CMSS1: variants seen among roughly 807,000 people sequenced by gnomAD.
CMSS1 encodes the protein protein CMSS1.
In CMSS1, 33 loss-of-function variants were observed where a neutral mutation model predicts 43.5. The ratio of observed to expected loss-of-function variants is 0.76; its 90% CI spans 0.57 to 1.01. CMSS1 has a LOEUF of 1.01. Among genes scored for constraint, CMSS1 ranks in the 50% least tolerant of loss-of-function variants. CMSS1 has a pLI of 0.00. For missense variants in CMSS1, 313 were observed against 326.4 expected, an observed-to-expected ratio of 0.96 and a Z score of 0.32; for synonymous variants, 115 against 117.2, an observed-to-expected ratio of 0.98 and a Z score of 0.12.
At chr3:99,848,250 T>G in intron 1 of CMSS1, 1 of 1,603,322 alleles carries the variant, frequency 6.2e-7, no homozygotes, top group Non-Finnish European at 8.5e-7. Context: ...AATATCAGTA[T>G]GGACTGGATG....
At chr3:99,833,048 C>T in intron 1 of CMSS1, 1 of 610,754 alleles carries the variant, frequency 1.6e-6, no homozygotes, top group South Asian at 2.1e-5. Context: ...CTTTTAAGAC[C>T]ACACAGTGAA....
chr3:100,103,546 G>A (rs192489), intron 1 of CMSS1, among the ~76,000 whole-genome samples: 2 of 152,178 alleles, frequency 1.3e-5, no homozygotes, highest in South Asian at 4.1e-4. Context: ...AGGCAAGTTG[G>A]AAGCACGGAT....
intron 1 of CMSS1, among the ~76,000 whole-genome samples, chr3:99,875,038 A>G (rs561606034): frequency 1.8e-4 from 28 of 152,230 alleles, no homozygotes; most frequent in Non-Finnish European, 2.9e-4. Flanking sequence ...AAAAGGGACA[A>G]TTCTGTCACA....
chr3:99,852,004 C>T (rs528432213), intron 1 of CMSS1, among the ~76,000 whole-genome samples: 4 of 152,320 alleles, frequency 2.6e-5, no homozygotes, highest in African/African-American at 9.6e-5. Flanking sequence ...TTATCAGGAA[C>T]ATAATAATTC....
chr3:100,100,788 C>T (rs1464142460), intron 1 of CMSS1, among the ~76,000 whole-genome samples: 2 of 152,166 alleles, frequency 1.3e-5, no homozygotes, highest in Non-Finnish European at 2.9e-5. Context: ...AGGTTAGTAT[C>T]GCCTTGCTGC....
At chr3:100,145,769 A>G (rs945205705) in intron 1 of CMSS1, among the ~76,000 whole-genome samples, 2 of 152,254 alleles carry the variant, frequency 1.3e-5, no homozygotes, top group Admixed American at 1.3e-4. Context: ...ACTCAAGGAT[A>G]GGTCAGTGCT....
At chr3:100,062,773 G>T (rs1171746131) in intron 1 of CMSS1, among the ~76,000 whole-genome samples, 4 of 152,146 alleles carry the variant, frequency 2.6e-5, no homozygotes, top group African/African-American at 9.7e-5. Flanking sequence ...CTTTGTCCTG[G>T]TTCCTCAGCA....
chr3:100,064,718 T>C (rs886603836), intron 1 of CMSS1, among the ~76,000 whole-genome samples: 45 of 152,228 alleles, frequency 3.0e-4, no homozygotes, highest in Admixed American at 1.3e-4. Flanking sequence ...TAAGGGCATG[T>C]TGGCAAATCA....
chr3:99,999,591 G>C (rs1436027627), intron 1 of CMSS1, among the ~76,000 whole-genome samples: 1 of 152,232 alleles, frequency 6.6e-6, no homozygotes, highest in Admixed American at 6.5e-5. Flanking sequence ...GGTTCAGTGA[G>C]TCTTGAATCT....
chr3:100,168,178 A>G (rs1188094082), intron 6 of CMSS1, among the ~76,000 whole-genome samples: 2 of 152,258 alleles, frequency 1.3e-5, no homozygotes, highest in African/African-American at 2.4e-5. Context: ...CCCAGCAGCT[A>G]TCTGGAAGAA....
At chr3:99,987,159 G>A (rs2107116904) in intron 1 of CMSS1, among the ~76,000 whole-genome samples, 1 of 151,914 alleles carries the variant, frequency 6.6e-6, no homozygotes, top group Admixed American at 6.6e-5. Context: ...AAGCCCAGGA[G>A]GTTGAGGCTT....
intron 9 of CMSS1, among the ~76,000 whole-genome samples, chr3:100,177,322 CT>C (rs1388848227): frequency 3.3e-5 from 5 of 150,976 alleles, no homozygotes; most frequent in Admixed American, 6.5e-5. Flanking sequence ...ATTTTGTCCC[CT>C]GACTTGACTG....
At position 99,965,946 on chromosome 3, in the gene CMSS1, C is replaced by T. The variant is rs1209626864; in HGVS notation, c.64+147903C>T. 2.6e-5 allele frequency among the ~76,000 whole-genome samples: 4 copies of T among 152,252 alleles called. No homozygotes were observed. The South Asian group carries it at 6.2e-4, about 24-fold the overall frequency. On this transcript the variant is annotated intron_variant, in intron 1 of 9. Transcript: ENST00000421999. ...TCTCCTGTCCCGCCTGCCACCAGTT[C>T]TCCACTCTCTCCCCATATGTAAGCC...
At chr3:99,968,633 G>A (rs1029709364) in intron 1 of CMSS1, among the ~76,000 whole-genome samples, 5 of 152,130 alleles carry the variant, frequency 3.3e-5, no homozygotes, top group Non-Finnish European at 7.3e-5. Flanking sequence ...TACCATGGGT[G>A]AAGCCTTGAG....
At chr3:100,126,746 C>G (rs907588069) in intron 1 of CMSS1, among the ~76,000 whole-genome samples, 4 of 152,134 alleles carry the variant, frequency 2.6e-5, no homozygotes, top group Non-Finnish European at 5.9e-5. Context: ...TGCCTGTAAT[C>G]CCAGCACTTT....
intron 1 of CMSS1, among the ~76,000 whole-genome samples, chr3:100,124,869 CGTTCACATGTCAGGTACT>C (rs2066651010): frequency 6.8e-6 from 1 of 147,998 alleles, no homozygotes; most frequent in African/African-American, 2.5e-5. Context: ...GATGTATATG[CGTTCACATGTCAGGTACT>C]AACTCTCAGA....
At chr3:99,950,668 G>A (rs1014558245) in intron 1 of CMSS1, among the ~76,000 whole-genome samples, 9 of 152,162 alleles carry the variant, frequency 5.9e-5, no homozygotes, top group Admixed American at 1.3e-4. Flanking sequence ...TCCCCAGACA[G>A]AAAGAGGAAT....
chr3:99,940,387 G>T (rs1438728507), intron 1 of CMSS1, among the ~76,000 whole-genome samples: 2 of 152,164 alleles, frequency 1.3e-5, no homozygotes, highest in Non-Finnish European at 2.9e-5. Context: ...TCATGCTCTG[G>T]TTTTTCTTAG....
intron 2 of CMSS1, among the ~76,000 whole-genome samples, chr3:100,160,111 T>C (rs2067010003): frequency 6.6e-6 from 1 of 152,190 alleles, no homozygotes; most frequent in African/African-American, 2.4e-5. Context: ...TGCTGTATTA[T>C]ACAAACTCAG....
Sources: gnomAD v4.1 joint callset for allele counts (sites outside exome capture counted in the v4.1 genomes callset) on GRCh38, gnomAD v4.1.1 for gene constraint, MANE v1.5 for transcripts, NCBI Gene and HGNC (gene_info 2026-07-23, HGNC 2026-07-21) for gene names.